The following SIAH3 variants were observed in gnomAD, a reference collection of about 807,000 sequenced individuals.
SIAH3 encodes the protein siah E3 ubiquitin protein ligase family member 3, also known as seven in absentia homolog 3.
A neutral mutation model predicts 12.6 loss-of-function variants in SIAH3; 9 were observed. That is an observed-to-expected ratio of 0.72 (90% CI 0.43 to 1.25). The LOEUF is 1.25. Ranked by LOEUF, SIAH3 falls within the 50% of genes most tolerant of loss-of-function variation. SIAH3 has a pLI of 0.00. For missense variants in SIAH3, 390 were observed against 365.4 expected (o/e 1.07, Z -0.55); for synonymous variants, 154 against 151.1 (o/e 1.02, Z -0.14).
At chr13:45,844,576 C>T (rs1303015653) in intron 1 of SIAH3, among the ~76,000 whole-genome samples, 3 of 152,158 alleles carry the variant, frequency 2.0e-5, no homozygotes, top group Non-Finnish European at 4.4e-5. Context: ...GATGGGCATG[C>T]CATGGGACTA....
chr13:45,794,576 T>A (rs577384348), intron 1 of SIAH3, among the ~76,000 whole-genome samples: 66 of 152,246 alleles, frequency 4.3e-4, no homozygotes, highest in African/African-American at 1.5e-3. Context: ...CCTGTGCTAT[T>A]CTTTTGATAG....
At chr13:45,829,075 A>T (rs1240474795) in intron 1 of SIAH3, among the ~76,000 whole-genome samples, 1 of 152,180 alleles carries the variant, frequency 6.6e-6, no homozygotes, top group Non-Finnish European at 1.5e-5. Context: ...AAGCACCAAG[A>T]CCTTTCATCA....
chr13:45,826,477 A>G (rs9595394), intron 1 of SIAH3, among the ~76,000 whole-genome samples: 88,760 of 90,814 alleles, frequency 0.98, 43,361 homozygotes, highest in Non-Finnish European at 0.98. Flanking sequence ...GGATGGATGG[A>G]TGGATGGATG....
intron 1 of SIAH3, among the ~76,000 whole-genome samples, chr13:45,819,430 A>G (rs1042828544): frequency 2.1e-4 from 32 of 152,118 alleles, no homozygotes; most frequent in African/African-American, 7.7e-4. Flanking sequence ...GGCTGGGTGG[A>G]CGGGACAGGA....
At chr13:45,839,756 C>T (rs1008281073) in intron 1 of SIAH3, among the ~76,000 whole-genome samples, 12 of 152,080 alleles carry the variant, frequency 7.9e-5, no homozygotes, top group Non-Finnish European at 7.4e-5. Flanking sequence ...CGGTTGAACC[C>T]GGGAGGCGGA....
rs1377407086 is a variant in SIAH3, at chr13:45,851,544, G to A, written c.86C>T (p.Ser29Phe). Residue 29 changes from serine (S) to phenylalanine (F), a missense_variant, in exon 1 of 2, where the codon TCC (serine) becomes TTC (phenylalanine). Ser to Phe is a radical substitution (Grantham distance 155, BLOSUM62 -2). Coordinates refer to ENST00000400405, the MANE Select transcript of SIAH3 (RefSeq NM_198849.3). ...FQHYKAKRVF[S>F]AAGQLVCVVN... The stretch of plus-strand genomic sequence containing the variant: ...GACACAGACAAGTTGCCCGGCAGCG[G>A]AGAAAACCCGTTTAGCCTTGTAGTG... The A allele has an allele frequency of 6.2e-7, 1 of 1,614,196 alleles. No individual in the cohort carries two copies. The highest frequency in any genetic ancestry group is 8.5e-7 in the Non-Finnish European group (1 of 1,180,034).
rs538462485 is a variant in SIAH3 at position 45,849,642 on chromosome 13, C to T, written c.135+1853G>A. ...TGACTCAAGGCCTCCAACCCTGACT[C>T]TGAACTCCTGGGTCAGGGCAGCAAG... On this transcript the variant is annotated intron_variant, in intron 1 of 1. Transcript: ENST00000400405. Among the ~76,000 whole-genome samples, 3 of 152,276 alleles carry T rather than the reference C, an allele frequency of 2.0e-5. No homozygotes were observed. The South Asian group carries it at 6.2e-4, about 32-fold the overall frequency.
chr13:45,794,109 T>G (rs1047979179), intron 1 of SIAH3, among the ~76,000 whole-genome samples: 1 of 151,590 alleles, frequency 6.6e-6, no homozygotes, highest in African/African-American at 2.4e-5. Context: ...TTTTTTTTTT[T>G]TGAGATGGAG....
At chr13:45,794,335 T>C (rs1950555696) in intron 1 of SIAH3, among the ~76,000 whole-genome samples, 1 of 152,152 alleles carries the variant, frequency 6.6e-6, no homozygotes, top group Admixed American at 6.5e-5. Context: ...ATCAACTCCA[T>C]ACCCATGTGC....
intron 1 of SIAH3, among the ~76,000 whole-genome samples, chr13:45,834,358 C>T (rs891286011): frequency 3.9e-5 from 6 of 152,186 alleles, no homozygotes; most frequent in African/African-American, 1.4e-4. Flanking sequence ...GAAGGCCCAG[C>T]AATCACACAG....
intron 1 of SIAH3, among the ~76,000 whole-genome samples, chr13:45,803,977 C>T (rs1481265372): frequency 1.3e-5 from 2 of 152,068 alleles, no homozygotes; most frequent in African/African-American, 4.8e-5. Context: ...TATCCAATTA[C>T]CTACAACCGA....
intron 1 of SIAH3, among the ~76,000 whole-genome samples, chr13:45,806,671 G>A (rs1427495421): frequency 2.0e-5 from 3 of 152,072 alleles, no homozygotes; most frequent in South Asian, 4.1e-4. Flanking sequence ...TTAGTGACAC[G>A]TCATTTACCC....
intron 1 of SIAH3, among the ~76,000 whole-genome samples, chr13:45,819,091 G>A (rs907428217): frequency 2.0e-5 from 3 of 152,150 alleles, no homozygotes; most frequent in Non-Finnish European, 4.4e-5. Context: ...CAGTGTGCTT[G>A]TGATGGCTCA....
In SIAH3 at chr13:45,783,715, G is replaced by A; in HGVS notation, c.478C>T (p.His160Tyr). The change falls in exon 2 of 2, where the codon CAC (histidine) becomes TAC (tyrosine). Residue 160 changes from histidine (H) to tyrosine (Y), a missense_variant. His to Tyr is a moderately conservative substitution (Grantham distance 83). Transcript: ENST00000400405. ...AGAAAGTGGTGGCCAAGGCAGGAGTGCATGATGATCCAATCAGCCGGCGCG... is the reference window on the plus strand; with the variant it reads ...AGAAAGTGGTGGCCAAGGCAGGAGTACATGATGATCCAATCAGCCGGCGCG... ...LPAPADWIIM[H>Y]SCLGHHFLLV... is the part of the protein sequence containing the mutation. 3 of 1,614,180 alleles carry A rather than the reference G, an allele frequency of 1.9e-6. No homozygotes were observed. The highest frequency in any genetic ancestry group is 2.5e-6 in the Non-Finnish European group (3 of 1,180,016).
At chr13:45,824,290 A>G (rs1407440283) in intron 1 of SIAH3, among the ~76,000 whole-genome samples, 1 of 152,246 alleles carries the variant, frequency 6.6e-6, no homozygotes, top group African/African-American at 2.4e-5. Context: ...GAATTCTCTA[A>G]GAGTGTCAGT....
In SIAH3 at chr13:45,780,006, G is replaced by C. The variant is rs540108093; in HGVS notation, c.*3377C>G. The C allele has an allele frequency of 6.6e-6, 1 of 152,320 alleles. No individual in the cohort carries two copies. Among genetic ancestry groups the C allele is most frequent in the East Asian group, 1.9e-4 (1 of 5,186 alleles). The allele number at this position is 152,320 out of a possible 1,614,324, so 9.4% of individuals were successfully genotyped here. A position where few individuals can be genotyped will look rare whatever the true frequency, so the allele number is the denominator to read the frequency against. ...GCAGATGCCTGAAGTTCAGATACTG[G>C]TAACTCATTTTTCACTGTTAAGTGC... On this transcript the variant is annotated 3_prime_UTR_variant, in exon 2 of 2. Coordinates refer to ENST00000400405, the MANE Select transcript of SIAH3 (RefSeq NM_198849.3).
chr13:45,829,406 C>T (rs1950690594), intron 1 of SIAH3, among the ~76,000 whole-genome samples: 2 of 152,026 alleles, frequency 1.3e-5, no homozygotes, highest in Admixed American at 1.3e-4. Context: ...AGTTCAAGAC[C>T]AGCCTGGGCA....
In SIAH3 at chr13:45,833,821, G is replaced by T. The variant is rs569271673; in HGVS notation, c.135+17674C>A. 1.4e-4 allele frequency among the ~76,000 whole-genome samples: 21 copies of T among 152,204 alleles called. No homozygotes were observed. In the East Asian group the frequency reaches 3.1e-3, roughly 22 times the overall value. ...GCTGGCTCCCTCTCCCAAGCATGGC[G>T]ATGACTCACCCTGGCCTTCTTGCCC... On this transcript the variant is annotated intron_variant, in intron 1 of 1. Coordinates refer to ENST00000400405, the MANE Select transcript of SIAH3 (RefSeq NM_198849.3).
chr13:45,826,487 G>A, intron 1 of SIAH3, among the ~76,000 whole-genome samples: 1 of 150,966 alleles, frequency 6.6e-6, no homozygotes, highest in Non-Finnish European at 1.5e-5. Flanking sequence ...ATGGATGGAT[G>A]GATGGGTGGG....
Sources: gnomAD v4.1 joint callset for allele counts (sites outside exome capture counted in the v4.1 genomes callset) on GRCh38, gnomAD v4.1.1 for gene constraint, MANE v1.5 for transcripts, NCBI Gene and HGNC (gene_info 2026-07-23, HGNC 2026-07-21) for gene names.